The following PRDM16 variants were observed in gnomAD, a reference collection of about 807,000 sequenced individuals.
The protein encoded by PRDM16 is PR/SET domain 16, also known as histone-lysine N-methyltransferase PRDM16.
In PRDM16, 23 loss-of-function variants were observed where a neutral mutation model predicts 110.6. The ratio of observed to expected loss-of-function variants is 0.21; its 90% confidence interval spans 0.15 to 0.29. PRDM16 has a LOEUF of 0.29. Ranked by LOEUF, PRDM16 falls within the 10% of genes least tolerant of loss-of-function variation. The pLI is 1.00. For missense variants in PRDM16, 1,615 were observed against 1,794.3 expected, an observed-to-expected ratio of 0.90 and a Z score of 1.81; for synonymous variants, 799 against 781.8, an observed-to-expected ratio of 1.02 and a Z score of -0.37.
chr1:3,154,103 C>T (rs868378450), intron 1 of PRDM16, among the ~76,000 whole-genome samples: 1 of 152,194 alleles, frequency 6.6e-6, no homozygotes, highest in African/African-American at 2.4e-5. Flanking sequence ...GATCTTAGAG[C>T]TGCCGGGTCC....
intron 2 of PRDM16, among the ~76,000 whole-genome samples, chr1:3,203,441 C>T (rs1414283586): frequency 6.6e-6 from 1 of 152,234 alleles, no homozygotes; most frequent in African/African-American, 2.4e-5. Context: ...GTATTAGGGC[C>T]GTAGGGGCGC....
intron 3 of PRDM16, among the ~76,000 whole-genome samples, chr1:3,356,361 C>A (rs766546758): frequency 6.6e-6 from 1 of 152,216 alleles, no homozygotes; most frequent in Non-Finnish European, 1.5e-5. Flanking sequence ...CTGCTCAGGA[C>A]GTGCGGCTGC....
intron 3 of PRDM16, among the ~76,000 whole-genome samples, chr1:3,277,717 G>GCA (rs139643837): frequency 9.2e-5 from 14 of 151,556 alleles, no homozygotes; most frequent in African/African-American, 2.9e-4. Context: ...TCACCCACAT[G>GCA]CACACACACA....
At chr1:3,219,505 G>A (rs1020013006) in intron 2 of PRDM16, among the ~76,000 whole-genome samples, 2 of 152,210 alleles carry the variant, frequency 1.3e-5, no homozygotes, top group Non-Finnish European at 2.9e-5. Flanking sequence ...AGAGCGCAGG[G>A]GGCTGGCAGG....
chr1:3,361,151 A>G (rs567436499), intron 3 of PRDM16, among the ~76,000 whole-genome samples: 1 of 152,336 alleles, frequency 6.6e-6, no homozygotes, highest in African/African-American at 2.4e-5. Flanking sequence ...GGGCGTGGAC[A>G]GAGGGTGCCA....
intron 4 of PRDM16, 59 bp downstream of exon 4, chr1:3,385,345 C>T: frequency 6.3e-7 from 1 of 1,583,308 alleles, no homozygotes; most frequent in Non-Finnish European, 8.7e-7. Flanking sequence ...GAGGATGTGG[C>T]ACCAAGATTG....
intron 1 of PRDM16, among the ~76,000 whole-genome samples, chr1:3,112,472 G>C (rs550128900): frequency 6.6e-6 from 1 of 152,232 alleles, no homozygotes; most frequent in Non-Finnish European, 1.5e-5. Flanking sequence ...CCTGGGGTGC[G>C]GGAGGCAGTT....
At chr1:3,166,873 C>T (rs1174657607) in intron 1 of PRDM16, among the ~76,000 whole-genome samples, 3 of 152,196 alleles carry the variant, frequency 2.0e-5, no homozygotes, top group South Asian at 2.1e-4. Flanking sequence ...GGTTCAATTG[C>T]TCTGTCCTCA....
intron 1 of PRDM16, among the ~76,000 whole-genome samples, chr1:3,124,316 CCAGA>C (rs1209116774): frequency 6.6e-6 from 1 of 152,134 alleles, no homozygotes; most frequent in Non-Finnish European, 1.5e-5. Flanking sequence ...AGAGAGAGGC[CCAGA>C]CAGTCTCCTG....
chr1:3,278,732 G>C (rs762045835), intron 3 of PRDM16, among the ~76,000 whole-genome samples: 2 of 152,194 alleles, frequency 1.3e-5, no homozygotes, highest in African/African-American at 2.4e-5. Flanking sequence ...GGCCACCCGA[G>C]AACTTTTCCA....
At chr1:3,188,282 T>C (rs141871728) in intron 2 of PRDM16, among the ~76,000 whole-genome samples, 120 of 152,262 alleles carry the variant, frequency 7.9e-4, no homozygotes, top group African/African-American at 2.8e-3. Flanking sequence ...GGCTTGTGGA[T>C]GTGAGAGGTC....
chr1:3,247,698 C>T (rs1368604239), intron 3 of PRDM16, among the ~76,000 whole-genome samples: 1 of 152,374 alleles, frequency 6.6e-6, no homozygotes, highest in African/African-American at 2.4e-5. Flanking sequence ...CGCTGGCCCG[C>T]GCTCGCTCTG....
In PRDM16 at chr1:3,242,905, A is replaced by G. The variant is rs1273742911; in HGVS notation, c.388-1182A>G. ...GCGGTTTCCGTATACTCGACCGTGC[A>G]TGGCCACTTTGGGTCCAGAAGGGAA... On this transcript the variant is annotated intron_variant, in intron 2 of 16. Coordinates refer to ENST00000270722, the MANE Select transcript of PRDM16 (RefSeq NM_022114.4). Among the ~76,000 whole-genome samples, 7 of 152,220 alleles carry G rather than the reference A, an allele frequency of 4.6e-5. No homozygotes were observed. The South Asian group carries it at 1.2e-3, about 27-fold the overall frequency.
intron 1 of PRDM16, chr1:3,133,239 C>T (rs1445824039): frequency 1.3e-5 from 2 of 152,274 alleles, no homozygotes; most frequent in East Asian, 3.9e-4. Context: ...GGTCTCTGCC[C>T]ATGTCTCTTC....
chr1:3,401,598 A>T (rs907840563), intron 5 of PRDM16, among the ~76,000 whole-genome samples: 4 of 152,150 alleles, frequency 2.6e-5, no homozygotes, highest in Non-Finnish European at 5.9e-5. Context: ...GCGCACACAC[A>T]CACAAACCAA....
rs900770946 is a variant in PRDM16 at position 3,255,675 on chromosome 1, G to A, written c.438+11538G>A. Among the ~76,000 whole-genome samples the A allele has an allele frequency of 2.0e-5, 3 of 152,220 alleles. No individual in the cohort carries two copies. The highest frequency in any genetic ancestry group is 4.8e-5 in the African/African-American group (2 of 41,460). On this transcript the variant is annotated intron_variant, in intron 3 of 16. Coordinates refer to ENST00000270722, the MANE Select transcript of PRDM16 (RefSeq NM_022114.4). This position sits in a 1 kb window ranked among gnomAD's most constrained non-coding sequence, Gnocchi z 4.7. The stretch of plus-strand genomic sequence containing the variant: ...GGGCTTGGTCCACCCTGGCGGTTGG[G>A]CCCAGTTTGTCCTGACTGCCTGCCC...
chr1:3,250,337 G>C (rs975021219), intron 3 of PRDM16, among the ~76,000 whole-genome samples: 1 of 152,186 alleles, frequency 6.6e-6, no homozygotes, highest in African/African-American at 2.4e-5. Context: ...CCCTGGGGTA[G>C]GGCGGTCCCG....
chr1:3,337,021 G>A (rs191055599), intron 3 of PRDM16, among the ~76,000 whole-genome samples: 1 of 151,904 alleles, frequency 6.6e-6, no homozygotes, highest in Admixed American at 6.6e-5. Flanking sequence ...ATGTGTGTTG[G>A]AGTGAGTCTG....
intron 2 of PRDM16, among the ~76,000 whole-genome samples, chr1:3,220,538 T>C (rs1639128579): frequency 6.6e-6 from 1 of 152,204 alleles, no homozygotes; most frequent in Non-Finnish European, 1.5e-5. Context: ...CCGGCCCACC[T>C]GGCCTCGAGT....
Sources: gnomAD v4.1 joint callset for allele counts (sites outside exome capture counted in the v4.1 genomes callset) on GRCh38, gnomAD v4.1.1 for gene constraint, Gnocchi (gnomAD v3.1) non-coding constraint, MANE v1.5 for transcripts, NCBI Gene and HGNC (gene_info 2026-07-23, HGNC 2026-07-21) for gene names.